RFX1: variants seen among roughly 807,000 people sequenced by gnomAD.
RFX1 encodes the protein MHC class II regulatory factor RFX1.
A neutral mutation model predicts 119.6 loss-of-function variants in RFX1; 42 were observed. The observed-to-expected ratio is 0.35, with a 90% CI of 0.27 to 0.45. RFX1 has a LOEUF of 0.45. RFX1 is among the 20% of genes least tolerant of loss of function. RFX1 has a pLI of 1.00. For missense variants in RFX1, 1,118 were observed against 1,368.1 expected, an observed-to-expected ratio of 0.82 and a Z score of 2.88; for synonymous variants, 628 against 618.5, an observed-to-expected ratio of 1.02 and a Z score of -0.23.
At chr19:13,967,084 G>A (rs1973927838) in intron 12 of RFX1, among the ~76,000 whole-genome samples, 1 of 152,222 alleles carries the variant, frequency 6.6e-6, no homozygotes, top group Non-Finnish European at 1.5e-5. Flanking sequence ...GGCACAGTCA[G>A]GACCACAGGA....
chr19:13,992,900 G>A (rs993044096), intron 2 of RFX1, among the ~76,000 whole-genome samples: 2 of 152,212 alleles, frequency 1.3e-5, no homozygotes, highest in African/African-American at 4.8e-5. Context: ...GGGAGGCTAT[G>A]GCAGGAGGAT....
intron 16 of RFX1, among the ~76,000 whole-genome samples, chr19:13,964,778 G>A (rs1169666913): frequency 6.6e-6 from 1 of 152,230 alleles, no homozygotes; most frequent in Non-Finnish European, 1.5e-5. Flanking sequence ...ACTACGCCCG[G>A]CCTCATTTTC....
In RFX1 at chr19:13,980,502, G is replaced by C. The variant is rs1026166382; in HGVS notation, c.738+71C>G. ...TGGGCTCTAATAGGCCAGAGGCACA[G>C]CCGTGGGGGGCTGCAGAGGCTGCCT... On this transcript the variant is annotated intron_variant, in intron 6 of 20. Coordinates refer to ENST00000254325, the MANE Select transcript of RFX1 (RefSeq NM_002918.5). The surrounding 1 kb of genome is among the most constrained non-coding windows in gnomAD (Gnocchi z 5.1). The C allele has an allele frequency of 2.0e-6, 2 of 987,510 alleles. No homozygotes were observed. The highest frequency in any genetic ancestry group is 3.2e-5 in the African/African-American group (2 of 62,348). 61.2% of individuals were successfully genotyped at this position (987,510 alleles called of 1,614,324 possible).
chr19:13,984,070 T>C (rs960897700), intron 2 of RFX1, among the ~76,000 whole-genome samples: 23 of 151,934 alleles, frequency 1.5e-4, no homozygotes, highest in Admixed American at 2.0e-4. Context: ...AAGGTCTTGC[T>C]AGCCTGTGGC....
intron 9 of RFX1, among the ~76,000 whole-genome samples, chr19:13,972,258 G>A (rs1171978639): frequency 1.3e-5 from 2 of 150,064 alleles, no homozygotes; most frequent in African/African-American, 2.5e-5. Flanking sequence ...GTGCGGTGGC[G>A]CAGTCTCCGC....
chr19:13,962,851 TTCTTCCTCCTCG>T lies in RFX1; in HGVS notation c.2772_2783del (p.Asp924_Glu927del), dbSNP rs894626281. 1.3e-6 allele frequency: 2 copies of T among 1,527,718 alleles called. No individual in the cohort carries two copies. The highest frequency in any genetic ancestry group is 8.8e-7 in the Non-Finnish European group (1 of 1,139,164). The allele number at this position is 1,527,718 out of a possible 1,614,324, so 94.6% of individuals were successfully genotyped here. On this transcript the variant is annotated inframe_deletion and splice_region_variant, in exon 21 of 21. Coordinates refer to ENST00000254325, the MANE Select transcript of RFX1 (RefSeq NM_002918.5). ...GCTCGTCCTCGCTCTCCTCCTCCTCTTCTTCCTCCTCGTCTGGAACACAGGGACCAAGTCCGG... is the reference window on the plus strand; with the variant it reads ...GCTCGTCCTCGCTCTCCTCCTCCTCTTCTGGAACACAGGGACCAAGTCCGG...
At chr19:13,994,017 G>A (rs957349880) in intron 1 of RFX1, 122 bp from the exon 2 acceptor site, 5 of 640,938 alleles carry the variant, frequency 7.8e-6, no homozygotes, top group African/African-American at 3.8e-5. Context: ...AGATGTGCTT[G>A]GGTTCATCAC....
rs1025887342 is a variant in RFX1 at position 13,980,006 on chromosome 19, G to T, written c.739-464C>A. On this transcript the variant is annotated intron_variant, in intron 6 of 20. Coordinates refer to ENST00000254325, the MANE Select transcript of RFX1 (RefSeq NM_002918.5). This position sits in a 1 kb window ranked among gnomAD's most constrained non-coding sequence, Gnocchi z 5.1. ...TCTGGAGGTTCGGGGGGGCTCTAGT[G>T]CCAGGCGGGGGAGTATCTGTGAAAC... Among the ~76,000 whole-genome samples the T allele has an allele frequency of 3.9e-5, 6 of 152,090 alleles. No individual in the cohort carries two copies. Among genetic ancestry groups the T allele is most frequent in the African/African-American group, 1.4e-4 (6 of 41,422 alleles).
Position 13,980,755 on chromosome 19 carries a change from C to G in RFX1, c.622-66G>C. 1 of 917,146 alleles carries G rather than the reference C, an allele frequency of 1.1e-6. No homozygotes were observed. Among genetic ancestry groups the G allele is most frequent in the Non-Finnish European group, 1.6e-6 (1 of 607,204 alleles). 56.8% of individuals were successfully genotyped at this position (917,146 alleles called of 1,614,324 possible). ...TTGCATCCTCTCTGAGGTGGGCTCACACACACACCCTTCTCAGGAGAGCTG... is the reference window on the plus strand; with the variant it reads ...TTGCATCCTCTCTGAGGTGGGCTCAGACACACACCCTTCTCAGGAGAGCTG... On this transcript the variant is annotated intron_variant, in intron 5 of 20. Coordinates refer to ENST00000254325, the MANE Select transcript of RFX1 (RefSeq NM_002918.5). This position sits in a 1 kb window ranked among gnomAD's most constrained non-coding sequence, Gnocchi z 5.1.
intron 2 of RFX1, among the ~76,000 whole-genome samples, chr19:13,991,067 A>G (rs1974784363): frequency 6.6e-6 from 1 of 152,178 alleles, no homozygotes; most frequent in Non-Finnish European, 1.5e-5. Flanking sequence ...GGATTAAGTG[A>G]TGCAGAAGGA....
At chr19:13,987,853 C>T (rs1439864645) in intron 2 of RFX1, among the ~76,000 whole-genome samples, 1 of 152,152 alleles carries the variant, frequency 6.6e-6, no homozygotes, top group Non-Finnish European at 1.5e-5. Flanking sequence ...CTGTGGACAG[C>T]AGGGTTGCTA....
At chr19:13,967,667 G>A (rs1973948279) in intron 12 of RFX1, among the ~76,000 whole-genome samples, 1 of 151,294 alleles carries the variant, frequency 6.6e-6, no homozygotes, top group African/African-American at 2.4e-5. Context: ...AGTAGAGATG[G>A]GGATTCACCA....
At chr19:13,983,350 G>T in intron 3 of RFX1, 80 bp from the exon 4 acceptor site, 1 of 1,315,486 alleles carries the variant, frequency 7.6e-7, no homozygotes, top group African/African-American at 1.4e-5. Flanking sequence ...GGCGGCTGCT[G>T]TGCACATCTT....
At position 13,986,639 on chromosome 19, in the gene RFX1, G is replaced by A. The variant is rs933891037; in HGVS notation, c.320-3044C>T. Among the ~76,000 whole-genome samples the A allele has an allele frequency of 1.3e-5, 2 of 152,154 alleles. No individual in the cohort carries two copies. The highest frequency in any genetic ancestry group is 2.9e-5 in the Non-Finnish European group (2 of 68,010). Reference sequence around the variant, plus strand: ...CCGGAGATCGCCACTCTGGGCATGCGCAGGAGGCCAGGGAGGCCCCCACTG... The same window carrying A: ...CCGGAGATCGCCACTCTGGGCATGCACAGGAGGCCAGGGAGGCCCCCACTG... On this transcript the variant is annotated intron_variant, in intron 2 of 20. Coordinates refer to ENST00000254325, the MANE Select transcript of RFX1 (RefSeq NM_002918.5). This position sits in a 1 kb window ranked among gnomAD's most constrained non-coding sequence, Gnocchi z 4.2.
At position 13,963,175 on chromosome 19, in the gene RFX1, C is replaced by G; in HGVS notation, c.2671G>C (p.Glu891Gln). The change falls in exon 19 of 21, where the codon GAG becomes CAG. Residue 891 changes from glutamate to glutamine, a missense_variant. Glu to Gln is a conservative substitution (Grantham distance 29). This residue lies in a region of RFX1 where 32 missense variants were observed against 71.5 expected (regional missense o/e 0.45). Coordinates refer to ENST00000254325, the MANE Select transcript of RFX1 (RefSeq NM_002918.5). Reference sequence around the variant, plus strand: ...CCCTTGGCCTGGGCTACGCGGTGCTCGATCAGGTAGTACATGTACTCGTCG... The same window carrying G: ...CCCTTGGCCTGGGCTACGCGGTGCTGGATCAGGTAGTACATGTACTCGTCG... ...LYDEYMYYLI[E>Q]HRVAQAKGET... The G allele has an allele frequency of 2.5e-6, 4 of 1,612,614 alleles. No homozygotes were observed. Among genetic ancestry groups the G allele is most frequent in the South Asian group, 1.1e-5 (1 of 91,074 alleles).
chr19:13,999,067 C>G (rs908483803), intron 1 of RFX1, among the ~76,000 whole-genome samples: 1 of 152,182 alleles, frequency 6.6e-6, no homozygotes, highest in African/African-American at 2.4e-5. Flanking sequence ...CTTTTTCCTA[C>G]AATTATTTGA....
At position 13,970,008 on chromosome 19, in the gene RFX1, G is replaced by A; in HGVS notation, c.1482C>T (p.Arg494=). Reference sequence around the variant, plus strand: ...GATGGCCCTACCTGGTGCCCAGACGGCGGGTTCGCAGGCCCATGAAGACGG... The same window carrying A: ...GATGGCCCTACCTGGTGCCCAGACGACGGGTTCGCAGGCCCATGAAGACGG... ...IRSVFMGLRT[R]RLGTRGNSKY... The change falls in exon 10 of 21, where the codon CGC becomes CGT. Residue 494 remains arginine (R), a synonymous_variant. Coordinates refer to ENST00000254325, the MANE Select transcript of RFX1 (RefSeq NM_002918.5). 1.2e-6 allele frequency: 2 copies of A among 1,611,536 alleles called. No individual in the cohort carries two copies. Among genetic ancestry groups the A allele is most frequent in the Non-Finnish European group, 1.7e-6 (2 of 1,178,608 alleles).
At chr19:14,004,904 C>T (rs1975321178) in intron 1 of RFX1, among the ~76,000 whole-genome samples, 1 of 152,194 alleles carries the variant, frequency 6.6e-6, no homozygotes, top group Non-Finnish European at 1.5e-5. Flanking sequence ...CAAAGATTCT[C>T]CTCTCACAAA....
intron 12 of RFX1, among the ~76,000 whole-genome samples, chr19:13,967,068 AC>A (rs1973927208): frequency 6.6e-6 from 1 of 152,148 alleles, no homozygotes; most frequent in Non-Finnish European, 1.5e-5. Flanking sequence ...ATGGGTAGGC[AC>A]CCAGGGCACA....
Sources: gnomAD v4.1 joint callset for allele counts (sites outside exome capture counted in the v4.1 genomes callset) on GRCh38, gnomAD v4.1.1 for gene constraint, gnomAD v4.1.1 regional missense constraint, Gnocchi (gnomAD v3.1) non-coding constraint, MANE v1.5 for transcripts, NCBI Gene and HGNC (gene_info 2026-07-23, HGNC 2026-07-21) for gene names.